The following GOLT1A variants were observed in gnomAD, a reference collection of about 807,000 sequenced individuals.
GOLT1A encodes golgi transport 1A.
GOLT1A carries 10 observed loss-of-function variants against 16.1 expected under a neutral mutation model. That is an observed-to-expected ratio of 0.62 (90% CI 0.38 to 1.05). GOLT1A has a LOEUF of 1.05. GOLT1A is among the 50% of genes least tolerant of loss of function. The pLI, the probability that GOLT1A is intolerant of heterozygous loss-of-function variation, is 0.01. For missense variants in GOLT1A, 137 were observed against 165.7 expected, an observed-to-expected ratio of 0.83 and a Z score of 0.95; for synonymous variants, 60 against 67.9, an observed-to-expected ratio of 0.88 and a Z score of 0.57.
chr1:204,208,743 T>C (rs975777614), intron 1 of GOLT1A, among the ~76,000 whole-genome samples: 5 of 151,924 alleles, frequency 3.3e-5, no homozygotes, highest in South Asian at 2.1e-4. Context: ...AGACTACACA[T>C]TGGGTACAAT....
chr1:204,211,093 C>T (rs1208522797), intron 1 of GOLT1A, among the ~76,000 whole-genome samples: 1 of 152,142 alleles, frequency 6.6e-6, no homozygotes, highest in Non-Finnish European at 1.5e-5. Context: ...TAATTCCCGG[C>T]CACGATCATC....
At chr1:204,204,707 T>C (rs1318110875) in intron 1 of GOLT1A, among the ~76,000 whole-genome samples, 1 of 152,256 alleles carries the variant, frequency 6.6e-6, no homozygotes, top group Admixed American at 6.5e-5. Flanking sequence ...CTGGATCACA[T>C]GGTAATTCTA....
chr1:204,205,953 C>G (rs1659032729), intron 1 of GOLT1A, among the ~76,000 whole-genome samples: 1 of 152,106 alleles, frequency 6.6e-6, no homozygotes, highest in Non-Finnish European at 1.5e-5. Flanking sequence ...GTCTCTAGTC[C>G]CAGCTACGTG....
At position 204,201,655 on chromosome 1, in the gene GOLT1A, A is replaced by T; in HGVS notation, c.274T>A (p.Tyr92Asn). 1 of 1,614,150 alleles carries T rather than the reference A, an allele frequency of 6.2e-7. No homozygotes were observed. The highest frequency in any genetic ancestry group is 8.5e-7 in the Non-Finnish European group (1 of 1,179,994). Residue 92 changes from tyrosine to asparagine, a missense_variant, in exon 3 of 5, where the codon TAC (tyrosine) becomes AAC (asparagine). Tyr to Asn is a moderately radical substitution (Grantham distance 143). Coordinates refer to ENST00000308302, the MANE Select transcript of GOLT1A (RefSeq NM_198447.2). ...CACTTAAAGAGGCTGAAGAATCCGT[A>T]GGTTTCCAGGAACATGCCGAGGAGG... ...WPLLGMFLET[Y>N]GFFSLFKGFF...
intron 1 of GOLT1A, among the ~76,000 whole-genome samples, chr1:204,205,548 G>A (rs1038701566): frequency 2.0e-5 from 3 of 152,088 alleles, no homozygotes; most frequent in African/African-American, 7.2e-5. Context: ...AAAGTGAGGG[G>A]AAAAATTATT....
rs925242913 is a variant in GOLT1A at position 204,201,668 on chromosome 1, C to T, written c.261G>A (p.Met87Ile). 8 of 1,614,044 alleles carry T rather than the reference C, an allele frequency of 5.0e-6. No individual in the cohort carries two copies. In the Admixed American group the frequency reaches 1.3e-4, roughly 27 times the overall value. The change falls in exon 3 of 5, where the codon ATG (methionine) becomes ATA (isoleucine). Residue 87 changes from methionine to isoleucine, a missense_variant. Transcript: ENST00000308302. ...TGAAGAATCCGTAGGTTTCCAGGAA[C>T]ATGCCGAGGAGGGGCCAGCGTAGGA... ...IVLLRWPLLG[M>I]FLETYGFFSL...
At chr1:204,208,517 A>C in intron 1 of GOLT1A, among the ~76,000 whole-genome samples, 1 of 102,408 alleles carries the variant, frequency 9.8e-6, no homozygotes, top group Non-Finnish European at 2.0e-5. Context: ...ATGAACTACT[A>C]CTCAGTCACA....
intron 3 of GOLT1A, 118 bp from the exon 4 acceptor site, chr1:204,199,376 C>A: frequency 1.3e-6 from 1 of 763,296 alleles, no homozygotes; most frequent in East Asian, 2.7e-5. Flanking sequence ...CAGGGACAGG[C>A]TTGATTCTGC....
intron 1 of GOLT1A, among the ~76,000 whole-genome samples, chr1:204,204,668 C>A (rs1156807815): frequency 1.3e-5 from 2 of 152,206 alleles, no homozygotes; most frequent in Non-Finnish European, 2.9e-5. Flanking sequence ...CAGGTATATA[C>A]CCCACAAAGT....
chr1:204,199,289 G>C (rs1658914305), intron 3 of GOLT1A, 31 bp from the exon 4 acceptor site: 7 of 1,564,418 alleles, frequency 4.5e-6, no homozygotes, highest in Non-Finnish European at 6.1e-6. Context: ...GGAGGAGTCA[G>C]TGATGGCCCA....
rs1007549432 is a variant in GOLT1A, at chr1:204,198,506, C to T, written c.361-10G>A. On this transcript the variant is annotated splice_polypyrimidine_tract_variant and intron_variant, in intron 4 of 4. Coordinates refer to ENST00000308302, the MANE Select transcript of GOLT1A (RefSeq NM_198447.2). ...GAAGTCTCCGGAACAGCTGTGGGAG[C>T]CAAGAATCATTACTCCACACAAAGG... 1.9e-6 allele frequency: 3 copies of T among 1,612,470 alleles called. No individual in the cohort carries two copies. The East Asian group carries it at 6.7e-5, about 36-fold the overall frequency.
intron 1 of GOLT1A, among the ~76,000 whole-genome samples, chr1:204,207,801 C>T (rs1233543351): frequency 6.6e-6 from 1 of 152,126 alleles, no homozygotes; most frequent in East Asian, 1.9e-4. Context: ...TACCTCATCA[C>T]CCCTGAATGC....
intron 1 of GOLT1A, among the ~76,000 whole-genome samples, chr1:204,208,501 TAAAAA>T (rs78563408): frequency 2.1e-5 from 2 of 95,538 alleles, no homozygotes; most frequent in East Asian, 2.4e-4. Flanking sequence ...TATATATATA[TAAAAA>T]ATGAACTACT....
chr1:204,199,285 G>C (rs1275352459), intron 3 of GOLT1A, 27 bp from the exon 4 acceptor site: 6 of 1,570,832 alleles, frequency 3.8e-6, no homozygotes, highest in Non-Finnish European at 3.5e-6. Context: ...GAAGGGAGGA[G>C]TCAGTGATGG....
rs534064698 is a variant in GOLT1A, at chr1:204,209,817, C to T, written c.25+4065G>A. Among the ~76,000 whole-genome samples the T allele has an allele frequency of 1.1e-3, 175 of 152,222 alleles. 2 individuals carry two copies. Among genetic ancestry groups the T allele is most frequent in the African/African-American group, 3.8e-3 (159 of 41,516 alleles). On this transcript the variant is annotated intron_variant, in intron 1 of 4. Transcript: ENST00000308302. Reference sequence around the variant, plus strand: ...CACCTATAATCCCAACACTTTGGGACGCCGAGGTGGGTGGATCATCACCTG... The same window carrying T: ...CACCTATAATCCCAACACTTTGGGATGCCGAGGTGGGTGGATCATCACCTG...
chr1:204,208,402 A>G (rs1167999872), intron 1 of GOLT1A, among the ~76,000 whole-genome samples: 1 of 76,078 alleles, frequency 1.3e-5, no homozygotes, highest in Non-Finnish European at 3.6e-5. Flanking sequence ...ATGTATACAT[A>G]TATGTATATA....
Position 204,198,420 on chromosome 1 carries a change from A to T in GOLT1A, c.*38T>A, listed in dbSNP as rs762144049. ...TTCCCATTCTCCCTCTAGCCCCCTC[A>T]ACCAATGATCCAAGTTCAAGGAGCT... On this transcript the variant is annotated 3_prime_UTR_variant, in exon 5 of 5. Coordinates refer to ENST00000308302, the MANE Select transcript of GOLT1A (RefSeq NM_198447.2). The T allele has an allele frequency of 6.2e-7, 1 of 1,605,906 alleles. No individual in the cohort carries two copies. The highest frequency in any genetic ancestry group is 8.5e-7 in the Non-Finnish European group (1 of 1,172,936).
At chr1:204,208,501 T>TATATATAA (rs1349404195) in intron 1 of GOLT1A, among the ~76,000 whole-genome samples, 12 of 95,550 alleles carry the variant, frequency 1.3e-4, no homozygotes, top group Admixed American at 5.1e-4. Flanking sequence ...TATATATATA[T>TATATATAA]AAAAAATGAA....
At chr1:204,201,897 G>A (rs990767921) in intron 2 of GOLT1A, 86 bp from the exon 3 acceptor site, 3 of 1,238,406 alleles carry the variant, frequency 2.4e-6, no homozygotes, top group Non-Finnish European at 2.3e-6. Context: ...GCGGTGGGCT[G>A]GGACAGGATG....
Sources: gnomAD v4.1 joint callset for allele counts (sites outside exome capture counted in the v4.1 genomes callset) on GRCh38, gnomAD v4.1.1 for gene constraint, MANE v1.5 for transcripts, NCBI Gene and HGNC (gene_info 2026-07-23, HGNC 2026-07-21) for gene names.